Variants in ADCY1 observed in about 807,000 individuals in gnomAD.
ADCY1 encodes the protein adenylate cyclase type 1.
A neutral mutation model predicts 105.4 loss-of-function variants in ADCY1; 28 were observed. The ratio of observed to expected loss-of-function variants is 0.27; its 90% CI spans 0.20 to 0.36. ADCY1 has a LOEUF of 0.36. ADCY1 is among the 10% of genes least tolerant of loss of function. The probability of loss-of-function intolerance (pLI) is 1.00; values close to 1 mark genes in which losing one functional copy is unlikely to be tolerated. For synonymous variants in ADCY1, 655 were observed against 623.8 expected (o/e 1.05, Z -0.75); for missense variants, 977 against 1,434.2 (o/e 0.68, Z 5.15).
At chr7:45,698,944 A>G (rs1193389088) in intron 14 of ADCY1, among the ~76,000 whole-genome samples, 1 of 152,242 alleles carries the variant, frequency 6.6e-6, no homozygotes, top group Non-Finnish European at 1.5e-5. Flanking sequence ...GAATTGATAG[A>G]AAAAAACTGG....
chr7:45,614,913 C>T (rs968720294), intron 3 of ADCY1, among the ~76,000 whole-genome samples: 4 of 151,914 alleles, frequency 2.6e-5, no homozygotes, highest in Non-Finnish European at 5.9e-5. Flanking sequence ...AGAAATAGAC[C>T]ACAAAACAAT....
chr7:45,611,762 A>G (rs1387336758), intron 3 of ADCY1, among the ~76,000 whole-genome samples: 1 of 151,956 alleles, frequency 6.6e-6, no homozygotes, highest in Non-Finnish European at 1.5e-5. Context: ...CCTATTTGGG[A>G]TTAATGCTTT....
chr7:45,668,885 C>G (rs1172731703), intron 8 of ADCY1, among the ~76,000 whole-genome samples: 2 of 152,166 alleles, frequency 1.3e-5, no homozygotes, highest in Non-Finnish European at 2.9e-5. Context: ...AGGAATTTAT[C>G]CATTTCTTCT....
intron 4 of ADCY1, among the ~76,000 whole-genome samples, chr7:45,627,393 A>G (rs139518583): frequency 1.4e-3 from 206 of 152,054 alleles, no homozygotes; most frequent in African/African-American, 4.7e-3. Flanking sequence ...AGCTAACCCT[A>G]CTCATTCATC....
intron 1 of ADCY1, among the ~76,000 whole-genome samples, chr7:45,590,815 C>T (rs1021757493): frequency 6.6e-6 from 1 of 152,186 alleles, no homozygotes; most frequent in African/African-American, 2.4e-5. Flanking sequence ...GTCTGGCCTG[C>T]AGAGGGTGTG....
chr7:45,644,358 G>T (rs1273496825), intron 4 of ADCY1, among the ~76,000 whole-genome samples: 2 of 152,134 alleles, frequency 1.3e-5, no homozygotes, highest in African/African-American at 4.8e-5. Context: ...CTGGGGCTGG[G>T]CAGGGTCAGA....
At chr7:45,711,548 T>C (rs1463968400) in intron 19 of ADCY1, among the ~76,000 whole-genome samples, 1 of 149,424 alleles carries the variant, frequency 6.7e-6, no homozygotes, top group Non-Finnish European at 1.5e-5. Context: ...TGAGTGGCAT[T>C]AAATATATTT....
rs1792308385 is a variant in ADCY1, at chr7:45,575,477, G to A, written c.639+295G>A. On this transcript the variant is annotated intron_variant, in intron 1 of 19. Transcript: ENST00000297323. The surrounding 1 kb of genome is among the most constrained non-coding windows in gnomAD (Gnocchi z 4.7). ...GGCCAAGGTCAGGGAGCTGATGAGC[G>A]GCCAGACGGCGGCCAGAGGGGTCCG... Among the ~76,000 whole-genome samples the A allele has an allele frequency of 1.3e-5, 2 of 152,366 alleles. No individual in the cohort carries two copies. Among genetic ancestry groups the A allele is most frequent in the East Asian group, 1.9e-4 (1 of 5,180 alleles).
chr7:45,663,207 C>T (rs1795178799), intron 8 of ADCY1, among the ~76,000 whole-genome samples: 1 of 152,232 alleles, frequency 6.6e-6, no homozygotes, highest in Non-Finnish European at 1.5e-5. Context: ...GCTACCCGCA[C>T]CTCCAGACTC....
At chr7:45,658,315 C>A (rs1284243206) in intron 6 of ADCY1, among the ~76,000 whole-genome samples, 1 of 152,212 alleles carries the variant, frequency 6.6e-6, no homozygotes, top group Non-Finnish European at 1.5e-5. Context: ...ACACAGCCAT[C>A]TAGGAGCTCA....
At chr7:45,673,656 C>CT (rs1267262622) in intron 8 of ADCY1, among the ~76,000 whole-genome samples, 3 of 151,920 alleles carry the variant, frequency 2.0e-5, no homozygotes, top group African/African-American at 7.2e-5. Flanking sequence ...TCTTTTCACT[C>CT]TTATTTTTCA....
At chr7:45,616,083 G>A (rs1793729749) in intron 3 of ADCY1, among the ~76,000 whole-genome samples, 1 of 152,154 alleles carries the variant, frequency 6.6e-6, no homozygotes, top group African/African-American at 2.4e-5. Context: ...GTGTAACCCA[G>A]GAAATTTTGA....
chr7:45,678,389 A>G (rs1324750361), intron 10 of ADCY1, 126 bp downstream of exon 10: 10 of 883,140 alleles, frequency 1.1e-5, no homozygotes, highest in Admixed American at 1.9e-5. Flanking sequence ...TCCCACAGTT[A>G]TTGTCCCAAT....
intron 4 of ADCY1, among the ~76,000 whole-genome samples, chr7:45,636,768 T>G (rs1259169932): frequency 6.6e-6 from 1 of 152,240 alleles, no homozygotes; most frequent in Non-Finnish European, 1.5e-5. Context: ...CTCGAACTTC[T>G]GACCTCAGGG....
At chr7:45,610,110 C>A (rs1793492091) in intron 2 of ADCY1, among the ~76,000 whole-genome samples, 1 of 152,142 alleles carries the variant, frequency 6.6e-6, no homozygotes. Flanking sequence ...ACAGCTGTAA[C>A]CCTGCTGTAC....
intron 2 of ADCY1, among the ~76,000 whole-genome samples, chr7:45,604,953 A>G (rs1405950760): frequency 6.6e-6 from 1 of 152,160 alleles, no homozygotes; most frequent in Non-Finnish European, 1.5e-5. Context: ...CCAATCCATG[A>G]ACATGGTATG....
chr7:45,610,743 GGTGATGATGGAGGTGTA>G (rs1793521864), intron 3 of ADCY1, among the ~76,000 whole-genome samples: 2 of 64,386 alleles, frequency 3.1e-5, no homozygotes, highest in Non-Finnish European at 6.8e-5. Context: ...GAGGTGGGGA[GGTGATGATGGAGGTGTA>G]GAGGTGATAG....
intron 19 of ADCY1, among the ~76,000 whole-genome samples, chr7:45,711,632 TATATATATATATACAC>T (rs1323023800): frequency 8.0e-5 from 2 of 25,046 alleles, no homozygotes; most frequent in Admixed American, 5.4e-4. Flanking sequence ...TATATATATA[TATATATATATATACAC>T]ACACACACGT....
intron 5 of ADCY1, among the ~76,000 whole-genome samples, chr7:45,656,344 A>G (rs1355834612): frequency 6.6e-6 from 1 of 152,198 alleles, no homozygotes; most frequent in Non-Finnish European, 1.5e-5. Context: ...AAAACTACAT[A>G]GGTATTAAAG....
Sources: allele counts gnomAD v4.1 joint callset (sites outside exome capture counted in the v4.1 genomes callset), GRCh38; gene constraint gnomAD v4.1.1; non-coding constraint Gnocchi (gnomAD v3.1); transcripts MANE v1.5; gene names NCBI Gene and HGNC (gene_info 2026-07-23, HGNC 2026-07-21).